The following LAD1 variants were observed in gnomAD, a reference collection of about 807,000 sequenced individuals.
LAD1 encodes the protein ladinin-1.
A neutral mutation model predicts 54.2 loss-of-function variants in LAD1; 53 were observed. The observed-to-expected ratio is 0.98, with a 90% confidence interval of 0.78 to 1.23. LAD1 has a LOEUF of 1.23. LAD1 is among the 50% of genes most tolerant of loss of function. The pLI is 0.00. For synonymous variants in LAD1, 231 were observed against 257.7 expected, an observed-to-expected ratio of 0.90 and a Z score of 0.99; for missense variants, 637 against 653.3, an observed-to-expected ratio of 0.98 and a Z score of 0.27.
intron 4 of LAD1, 103 bp from the exon 5 acceptor site, chr1:201,384,938 A>G (rs972050557): frequency 5.0e-5 from 54 of 1,074,350 alleles, no homozygotes; most frequent in Admixed American, 4.9e-4. Flanking sequence ...CCTCCTCTTC[A>G]GACCTCCCAC....
intron 5 of LAD1, 74 bp downstream of exon 5, chr1:201,384,718 G>A (rs778743891): frequency 2.1e-6 from 3 of 1,458,090 alleles, no homozygotes; most frequent in East Asian, 2.3e-5. Flanking sequence ...GGCACAAGGA[G>A]GGCGGGTGCA....
Position 201,389,247 on chromosome 1 carries a change from C to A in LAD1, c.95G>T (p.Arg32Leu), listed in dbSNP as rs1271839352. ...DEEEQERERR[R>L]RHRNLSSTTD... ...GGTGGAGCTCAGGTTGCGGTGCCGC[C>A]GCCTGCGCTCGCGCTCCTGTTCCTC... Residue 32 changes from arginine (R) to leucine (L), a missense_variant, in exon 2 of 10, where the codon CGG becomes CTG. By Grantham distance (102) the Arg-to-Leu change is moderately radical. Transcript: ENST00000391967. 1.2e-6 allele frequency: 2 copies of A among 1,614,074 alleles called. No homozygotes were observed. The highest frequency in any genetic ancestry group is 2.2e-5 in the South Asian group (2 of 91,084).
rs1553291726 is a variant in LAD1 at position 201,384,855 on chromosome 1, C to T, written c.1132-20G>A. On this transcript the variant is annotated intron_variant, in intron 4 of 9. Coordinates refer to ENST00000391967, the MANE Select transcript of LAD1 (RefSeq NM_005558.4). ...TTTCATCTGAAATGAGAAGGAAAGGCATTGTTGTGTGGGAGTCCCCGGGAA... is the reference window on the plus strand; with the variant it reads ...TTTCATCTGAAATGAGAAGGAAAGGTATTGTTGTGTGGGAGTCCCCGGGAA... The T allele has an allele frequency of 1.9e-6, 3 of 1,613,482 alleles. No individual in the cohort carries two copies. In the Admixed American group the frequency reaches 5.0e-5, roughly 27 times the overall value.
At position 201,389,251 on chromosome 1, in the gene LAD1, T is replaced by G; in HGVS notation, c.91A>C (p.Arg31=). Reference sequence around the variant, plus strand: ...GAGCTCAGGTTGCGGTGCCGCCGCCTGCGCTCGCGCTCCTGTTCCTCCTCA... The same window carrying G: ...GAGCTCAGGTTGCGGTGCCGCCGCCGGCGCTCGCGCTCCTGTTCCTCCTCA... ...EDEEEQERER[R]RRHRNLSSTT... is the part of the protein sequence containing the mutation. Residue 31 remains arginine, a synonymous_variant, in exon 2 of 10, where the codon AGG becomes CGG. Transcript: ENST00000391967. The G allele has an allele frequency of 6.2e-7, 1 of 1,614,060 alleles. No individual in the cohort carries two copies. The highest frequency in any genetic ancestry group is 2.2e-5 in the East Asian group (1 of 44,880).
rs1480838981 is a variant in LAD1 at position 201,395,645 on chromosome 1, C to T, written c.38+3624G>A. On this transcript the variant is annotated intron_variant, in intron 1 of 9. Transcript: ENST00000391967. ...TGGTGGCGGGCGCCTGTAATCCCAG[C>T]TACTCAGGAGACTGAGGCATGAGAA... Among the ~76,000 whole-genome samples the T allele has an allele frequency of 3.3e-5, 5 of 152,210 alleles. 1 individual carries two copies. The South Asian group carries it at 8.3e-4, about 25-fold the overall frequency.
chr1:201,383,710 C>T (rs911153329), intron 5 of LAD1: 3 of 384,900 alleles, frequency 7.8e-6, no homozygotes, highest in East Asian at 6.2e-5. Context: ...CACTTACCTG[C>T]TCTCCCAGCC....
chr1:201,391,584 G>A (rs538427672), intron 1 of LAD1, among the ~76,000 whole-genome samples: 26 of 152,216 alleles, frequency 1.7e-4, no homozygotes, highest in Non-Finnish European at 1.5e-4. Flanking sequence ...CAGTGAAAAA[G>A]AGAAGTGTGT....
Position 201,389,168 on chromosome 1 carries a change from A to C in LAD1, c.174T>G (p.Ala58=), listed in dbSNP as rs781109447. The C allele has an allele frequency of 6.2e-7, 1 of 1,614,004 alleles. No homozygotes were observed. The highest frequency in any genetic ancestry group is 8.5e-7 in the Non-Finnish European group (1 of 1,179,882). Residue 58 remains alanine, a synonymous_variant, in exon 2 of 10, where the codon GCT becomes GCG. Transcript: ENST00000391967. ...GAAACCTGAGCACCTACCTCTCAGA[A>C]GCAGAGGCCTGCCGGTCTCCATTCT... is the stretch of plus-strand genomic sequence containing the variant. ...LSQNGDRQAS[A]SERLPSVEEA...
At chr1:201,389,709 C>A (rs759294603) in intron 1 of LAD1, among the ~76,000 whole-genome samples, 9 of 151,284 alleles carry the variant, frequency 5.9e-5, no homozygotes, top group Non-Finnish European at 1.3e-4. Flanking sequence ...GTAGTCCCAG[C>A]TACTGAGGAG....
At position 201,381,324 on chromosome 1, in the gene LAD1, C is replaced by T. The variant is rs1334533481; in HGVS notation, c.*564G>A. 1 of 161,186 alleles carries T rather than the reference C, an allele frequency of 6.2e-6. No individual in the cohort carries two copies. The highest frequency in any genetic ancestry group is 2.4e-5 in the African/African-American group (1 of 41,330). 10.0% of individuals were successfully genotyped at this position (161,186 alleles called of 1,614,324 possible). ...TTAGCTCCTGGCCATGGCAGCCGGC[C>T]AGGGAAGGGAGGGGAGAACCAAGCA... On this transcript the variant is annotated 3_prime_UTR_variant, in exon 10 of 10. Coordinates refer to ENST00000391967, the MANE Select transcript of LAD1 (RefSeq NM_005558.4).
intron 1 of LAD1, among the ~76,000 whole-genome samples, chr1:201,396,317 TCAACTC>T (rs1381969546): frequency 6.6e-6 from 1 of 152,042 alleles, no homozygotes; most frequent in African/African-American, 2.4e-5. Flanking sequence ...ACTCCAGACT[TCAACTC>T]CATCCTTTGG....
Position 201,381,636 on chromosome 1 carries a change from C to A in LAD1, c.*252G>T, listed in dbSNP as rs916027185. On this transcript the variant is annotated 3_prime_UTR_variant, in exon 10 of 10. Transcript: ENST00000391967. ...ATGTGCACTTGTGCTGTGACCTGGG[C>A]AGAGACTGGGTCCCAGCATCTGTTG... 3 of 590,428 alleles carry A rather than the reference C, an allele frequency of 5.1e-6. No individual in the cohort carries two copies. The African/African-American group carries it at 5.6e-5, about 11-fold the overall frequency. 36.6% of individuals were successfully genotyped at this position (590,428 alleles called of 1,614,324 possible).
At position 201,383,359 on chromosome 1, in the gene LAD1, C is replaced by T. The variant is rs1662007558; in HGVS notation, c.1206G>A (p.Val402=). 1 of 1,613,968 alleles carries T rather than the reference C, an allele frequency of 6.2e-7. No individual in the cohort carries two copies. Among genetic ancestry groups the T allele is most frequent in the Non-Finnish European group, 8.5e-7 (1 of 1,180,028 alleles). The change falls in exon 6 of 10, where the codon GTG becomes GTA. Residue 402 remains valine (V), a synonymous_variant. Coordinates refer to ENST00000391967, the MANE Select transcript of LAD1 (RefSeq NM_005558.4). ...ATCTCTCCAGCTTCTCTCCCAACTT[C>T]ACTGTGTTGTCTGGGAGCTTCATGC... The part of the protein sequence containing the change: ...SASMKLPDNT[V]KLGEKLERYH...
intron 1 of LAD1, among the ~76,000 whole-genome samples, chr1:201,396,248 TC>T (rs2102361459): frequency 6.6e-6 from 1 of 151,728 alleles, no homozygotes; most frequent in African/African-American, 2.4e-5. Context: ...CTCCTGGCCT[TC>T]ATCTGGGGAC....
intron 3 of LAD1, among the ~76,000 whole-genome samples, 171 bp downstream of exon 3, chr1:201,386,164 C>T (rs1662079661): frequency 6.6e-6 from 1 of 152,198 alleles, no homozygotes; most frequent in Admixed American, 6.5e-5. Flanking sequence ...TCTCAGCCTC[C>T]CTGCTCTGAC....
intron 2 of LAD1, 133 bp downstream of exon 2, chr1:201,389,027 A>C: frequency 9.7e-7 from 1 of 1,027,756 alleles, no homozygotes; most frequent in Non-Finnish European, 1.4e-6. Context: ...AAGGTGGGGA[A>C]CTGGAAATTC....
In LAD1 at chr1:201,383,230, A is replaced by C; in HGVS notation, c.1249-19T>G. 6.2e-7 allele frequency: 1 copy of C among 1,613,564 alleles called. No individual in the cohort carries two copies. Among genetic ancestry groups the C allele is most frequent in the Non-Finnish European group, 8.5e-7 (1 of 1,179,726 alleles). ...CTGATCTCTGGGAACCAAGAACACC[A>C]ACAGCTGACCCATGCTGGGGAGGGG... On this transcript the variant is annotated intron_variant, in intron 6 of 9. Coordinates refer to ENST00000391967, the MANE Select transcript of LAD1 (RefSeq NM_005558.4).
At chr1:201,385,839 T>C in intron 3 of LAD1, 34 bp from the exon 4 acceptor site, 2 of 1,504,608 alleles carry the variant, frequency 1.3e-6, no homozygotes, top group Non-Finnish European at 1.9e-6. Flanking sequence ...ACATAAGAGG[T>C]CTAGGGCCCA....
chr1:201,396,193 G>A (rs966536795), intron 1 of LAD1, among the ~76,000 whole-genome samples: 1 of 152,026 alleles, frequency 6.6e-6, no homozygotes, highest in African/African-American at 2.4e-5. Context: ...ACAGCCCCAG[G>A]CAGCTGCCTA....
Sources: allele counts gnomAD v4.1 joint callset (sites outside exome capture counted in the v4.1 genomes callset), GRCh38; gene constraint gnomAD v4.1.1; transcripts MANE v1.5; gene names NCBI Gene and HGNC (gene_info 2026-07-23, HGNC 2026-07-21).